PCDHGB4: variants seen among roughly 807,000 people sequenced by gnomAD.
PCDHGB4 encodes the protein protocadherin gamma subfamily B, 4.
In PCDHGB4, 38 loss-of-function variants were observed where a neutral mutation model predicts 60.5. The observed-to-expected ratio is 0.63, with a 90% CI of 0.48 to 0.82. The LOEUF (loss-of-function observed/expected upper bound fraction) is 0.82, where lower values mean the gene tolerates loss of function less well. Among genes scored for constraint, PCDHGB4 ranks in the 40% least tolerant of loss-of-function variants. The probability of loss-of-function intolerance (pLI) is 0.00; values close to 1 mark genes in which losing one functional copy is unlikely to be tolerated. For synonymous variants in PCDHGB4, 456 were observed against 509.7 expected (o/e 0.89, Z 1.42); for missense variants, 1,109 against 1,209.6 (o/e 0.92, Z 1.23).
chr5:141,415,660 T>C, intron 1 of PCDHGB4: 2 of 1,583,052 alleles, frequency 1.3e-6, no homozygotes, highest in Non-Finnish European at 8.6e-7. Context: ...AAAGATTGGT[T>C]TTTACTTTGA....
Position 141,486,859 on chromosome 5 carries a change from T to C in PCDHGB4, c.2398-7948T>C, listed in dbSNP as rs1231188225. ...TTGTGCTGGACCTCAATGACAATGC[T>C]CCAGCTGTGCTCCGTCCTCGGGCCC... On this transcript the variant is annotated intron_variant, in intron 1 of 3. Transcript: ENST00000519479. The surrounding 1 kb of genome is among the most constrained non-coding windows in gnomAD (Gnocchi z 5.0). The C allele has an allele frequency of 1.9e-6, 3 of 1,614,242 alleles. No individual in the cohort carries two copies. The highest frequency in any genetic ancestry group is 2.7e-5 in the African/African-American group (2 of 75,072).
intron 2 of PCDHGB4, among the ~76,000 whole-genome samples, chr5:141,500,189 TTTATTTATTTA>T (rs1562193895): frequency 9.9e-5 from 11 of 110,956 alleles, no homozygotes; most frequent in Middle Eastern, 4.3e-3. Flanking sequence ...TTTATTTTTA[TTTATTTATTTA>T]TTTATTTATT....
chr5:141,432,991 C>G lies in PCDHGB4; in HGVS notation c.2397+42710C>G, dbSNP rs1269992849. ...CGGCGTCGCACTTTGTGGGCGTGGACGGGGTGCAGGCTTTCCTGCAGACCT... is the reference window on the plus strand; with the variant it reads ...CGGCGTCGCACTTTGTGGGCGTGGAGGGGGTGCAGGCTTTCCTGCAGACCT... On this transcript the variant is annotated intron_variant, in intron 1 of 3. Transcript: ENST00000519479. The surrounding 1 kb of genome is among the most constrained non-coding windows in gnomAD (Gnocchi z 6.0). The G allele has an allele frequency of 6.2e-7, 1 of 1,614,200 alleles. No homozygotes were observed. Among genetic ancestry groups the G allele is most frequent in the Admixed American group, 1.7e-5 (1 of 60,032 alleles).
At chr5:141,423,821 C>A (rs2096784513) in intron 1 of PCDHGB4, 1 of 1,272,728 alleles carries the variant, frequency 7.9e-7, no homozygotes, top group Admixed American at 3.9e-5. Context: ...TTTACTTTGC[C>A]TTTCATGAGA....
rs571418912 is a variant in PCDHGB4 at position 141,388,291 on chromosome 5, A to G, written c.407A>G (p.Asn136Ser). The change falls in exon 1 of 4, where the codon AAT becomes AGT. Residue 136 changes from asparagine (N) to serine (S), a missense_variant. Transcript: ENST00000519479. ...GACCACACGCCAAAATTCACGCAAA[A>G]TTCCTTTGAGCTGCAAATAAGTGAG... ...INDHTPKFTQNSFELQISESA... is the reference protein window; with the variant it reads ...INDHTPKFTQSSFELQISESA... 7.1e-5 allele frequency: 114 copies of G among 1,613,582 alleles called. No homozygotes were observed. The highest frequency in any genetic ancestry group is 2.5e-6 in the Non-Finnish European group (3 of 1,179,802).
intron 1 of PCDHGB4, chr5:141,426,767 A>C (rs1219028777): frequency 2.2e-6 from 1 of 456,666 alleles, no homozygotes. Flanking sequence ...ATGCAGATGT[A>C]GGGCCTCACT....
Position 141,489,948 on chromosome 5 carries a change from T to G in PCDHGB4, c.2398-4859T>G. The G allele has an allele frequency of 6.2e-7, 1 of 1,614,210 alleles. No homozygotes were observed. Among genetic ancestry groups the G allele is most frequent in the Non-Finnish European group, 8.5e-7 (1 of 1,180,030 alleles). ...TCTCTGTCATCGTGCTGGACATCAA[T>G]GATAATGCTCCAACCTTCCAATCCT... On this transcript the variant is annotated intron_variant, in intron 1 of 3. Transcript: ENST00000519479. The surrounding 1 kb of genome is among the most constrained non-coding windows in gnomAD (Gnocchi z 4.5).
chr5:141,487,921 A>G lies in PCDHGB4; in HGVS notation c.2398-6886A>G, dbSNP rs17097340. On this transcript the variant is annotated intron_variant, in intron 1 of 3. Coordinates refer to ENST00000519479, the MANE Select transcript of PCDHGB4 (RefSeq NM_003736.4). This position sits in a 1 kb window ranked among gnomAD's most constrained non-coding sequence, Gnocchi z 5.0. ...GGAATGTGGGAGCACAGGAGGCTAC[A>G]GTGCACAGGGTACAGTGCACCAGGC... 0.15 allele frequency: 93,556 copies of G among 639,124 alleles called. 7,160 individuals carry two copies. The highest frequency in any genetic ancestry group is 0.21 in the African/African-American group (11,270 of 54,532). 39.6% of individuals were successfully genotyped at this position (639,124 alleles called of 1,614,324 possible).
At position 141,418,922 on chromosome 5, in the gene PCDHGB4, C is replaced by G. The variant is rs180948941; in HGVS notation, c.2397+28641C>G. The G allele has an allele frequency of 3.7e-6, 6 of 1,613,994 alleles. 1 individual carries two copies. In the Admixed American group the frequency reaches 6.7e-5, roughly 18 times the overall value. On this transcript the variant is annotated intron_variant, in intron 1 of 3. Coordinates refer to ENST00000519479, the MANE Select transcript of PCDHGB4 (RefSeq NM_003736.4). ...AATAATCATCACGTCACTCTCTGAT[C>G]AGATTATGGAGGATTCCCCTCCAGG...
intron 2 of PCDHGB4, among the ~76,000 whole-genome samples, chr5:141,504,802 C>G (rs370355030): frequency 6.6e-6 from 1 of 152,030 alleles, no homozygotes; most frequent in East Asian, 1.9e-4. Context: ...ACATCTCCCC[C>G]TAGGTACCTC....
chr5:141,415,078 GC>G (rs2095826068), intron 1 of PCDHGB4: 1 of 1,613,376 alleles, frequency 6.2e-7, no homozygotes, highest in Non-Finnish European at 8.5e-7. Flanking sequence ...CACGGCGCGA[GC>G]CCTGCTGGAC....
At chr5:141,420,413 A>T in intron 1 of PCDHGB4, 1 of 1,222,396 alleles carries the variant, frequency 8.2e-7, no homozygotes, top group Non-Finnish European at 1.1e-6. Context: ...GGTTATCATT[A>T]TTAAAACAAA....
Position 141,493,858 on chromosome 5 carries a change from C to A in PCDHGB4, c.2398-949C>A, listed in dbSNP as rs2099750481. Among the ~76,000 whole-genome samples, 1 of 152,184 alleles carries A rather than the reference C, an allele frequency of 6.6e-6. No homozygotes were observed. The highest frequency in any genetic ancestry group is 1.5e-5 in the Non-Finnish European group (1 of 68,030). On this transcript the variant is annotated intron_variant, in intron 1 of 3. Transcript: ENST00000519479. The surrounding 1 kb of genome is among the most constrained non-coding windows in gnomAD (Gnocchi z 4.3). ...AGTATGAGTATTAATTACCAGCCCA[C>A]CCCAGAACCAGTGAGGAGGTGGCTC...
chr5:141,410,119 C>T (rs1306210256), intron 1 of PCDHGB4: 2 of 1,612,822 alleles, frequency 1.2e-6, no homozygotes, highest in Middle Eastern at 1.7e-4. Flanking sequence ...ACGCAGCCCG[C>T]CAGCGCCTGC....
chr5:141,400,387 C>T, intron 1 of PCDHGB4: 2 of 1,614,068 alleles, frequency 1.2e-6, no homozygotes, highest in Non-Finnish European at 1.7e-6. Context: ...ATGTGTTGCA[C>T]ATACAGGAAA....
intron 1 of PCDHGB4, chr5:141,393,601 C>T (rs1392489335): frequency 8.1e-6 from 13 of 1,613,812 alleles, no homozygotes; most frequent in Non-Finnish European, 1.1e-5. Flanking sequence ...CGGCTGCTTA[C>T]TGTAACAGCC....
chr5:141,507,296 C>T (rs1020117646), intron 3 of PCDHGB4: 1 of 141,360 alleles, frequency 7.1e-6, no homozygotes, highest in Non-Finnish European at 1.5e-5. Flanking sequence ...TCAAATGTTG[C>T]ATGAGACATA....
chr5:141,485,563 C>A lies in PCDHGB4; in HGVS notation c.2398-9244C>A. 2 of 1,612,904 alleles carry A rather than the reference C, an allele frequency of 1.2e-6. No individual in the cohort carries two copies. The highest frequency in any genetic ancestry group is 1.7e-6 in the Non-Finnish European group (2 of 1,179,034). ...AGATCGTAGATGTGAATGATCACGC[C>A]CCCCGTTTTCCGCGGCAGCAGCTGG... On this transcript the variant is annotated intron_variant, in intron 1 of 3. Coordinates refer to ENST00000519479, the MANE Select transcript of PCDHGB4 (RefSeq NM_003736.4). This position sits in a 1 kb window ranked among gnomAD's most constrained non-coding sequence, Gnocchi z 5.7.
At chr5:141,407,214 G>C (rs1230787104) in intron 1 of PCDHGB4, among the ~76,000 whole-genome samples, 2 of 152,146 alleles carry the variant, frequency 1.3e-5, no homozygotes, top group South Asian at 2.1e-4. Context: ...TCCCCCTTAA[G>C]TGGGTAGCAA....
Sources: gnomAD v4.1 joint callset for allele counts (sites outside exome capture counted in the v4.1 genomes callset) on GRCh38, gnomAD v4.1.1 for gene constraint, Gnocchi (gnomAD v3.1) non-coding constraint, MANE v1.5 for transcripts, NCBI Gene and HGNC (gene_info 2026-07-23, HGNC 2026-07-21) for gene names.